TMEM254: variants seen among roughly 807,000 people sequenced by gnomAD.
TMEM254 encodes transmembrane protein C10orf57.
A neutral mutation model predicts 13.9 loss-of-function variants in TMEM254; 16 were observed. That is an observed-to-expected ratio of 1.15 (90% CI 0.78 to 1.75). The LOEUF is 1.75. TMEM254 is among the 40% of genes most tolerant of loss of function. The pLI is 0.00. For synonymous variants in TMEM254, 61 were observed against 56.4 expected (o/e 1.08, Z -0.36); for missense variants, 155 against 149.0 (o/e 1.04, Z -0.21).
At chr10:80,081,697 A>G in intron 1 of TMEM254, 144 bp from the exon 2 acceptor site, 1 of 1,600,886 alleles carries the variant, frequency 6.2e-7, no homozygotes, top group Non-Finnish European at 8.5e-7. Context: ...AATAGAAGCC[A>G]AGAATGGAGA....
Position 80,090,979 on chromosome 10 carries a change from G to A in TMEM254, c.*62G>A. On this transcript the variant is annotated 3_prime_UTR_variant, in exon 4 of 4. Transcript: ENST00000372281. ...TCCTCACCCTTTTTTTTGTGGGGTA[G>A]AGGAGGTGCAGTAATTTACTCAGTG... 6.3e-7 allele frequency: 1 copy of A among 1,583,740 alleles called. No homozygotes were observed. Among genetic ancestry groups the A allele is most frequent in the South Asian group, 1.2e-5 (1 of 85,786 alleles).
At chr10:80,078,923 G>T in intron 1 of TMEM254, 137 bp downstream of exon 1, 1 of 1,522,388 alleles carries the variant, frequency 6.6e-7, no homozygotes, top group Non-Finnish European at 8.9e-7. Context: ...AGGAGCGGAG[G>T]GGAGGGGACC....
intron 3 of TMEM254, among the ~76,000 whole-genome samples, chr10:80,083,570 T>C (rs1844160965): frequency 6.6e-6 from 1 of 152,226 alleles, no homozygotes; most frequent in African/African-American, 2.4e-5. Flanking sequence ...TGATATTATC[T>C]ATTCTAGCCC....
At position 80,092,469 on chromosome 10, in the gene TMEM254, CAG is replaced by C. The variant is rs1844606626; in HGVS notation, c.*1553_*1554del. 1 of 152,160 alleles carries C rather than the reference CAG, an allele frequency of 6.6e-6. No individual in the cohort carries two copies. The highest frequency in any genetic ancestry group is 2.1e-4 in the South Asian group (1 of 4,834). The allele number at this position is 152,160 out of a possible 1,614,324, so 9.4% of individuals were successfully genotyped here. On this transcript the variant is annotated 3_prime_UTR_variant, in exon 4 of 4. Coordinates refer to ENST00000372281, the MANE Select transcript of TMEM254 (RefSeq NM_025125.4). ...GGTCTTCCTCAAAGAGAAATAATAACAGTAATAGTGGTGCTGGGAACAATATG... is the reference window on the plus strand; with the variant it reads ...GGTCTTCCTCAAAGAGAAATAATAACTAATAGTGGTGCTGGGAACAATATG...
intron 1 of TMEM254, chr10:80,079,590 A>G: frequency 4.0e-6 from 4 of 989,576 alleles, no homozygotes; most frequent in Non-Finnish European, 4.8e-6. Flanking sequence ...CTGTTCTGAC[A>G]TAGGTGTGGA....
At chr10:80,082,279 A>G in intron 3 of TMEM254, 75 bp downstream of exon 3, 2 of 1,510,480 alleles carry the variant, frequency 1.3e-6, no homozygotes, top group Non-Finnish European at 1.8e-6. Context: ...ACATTTAAAT[A>G]GTTCACACAC....
intron 1 of TMEM254, chr10:80,079,328 C>T (rs1167434710): frequency 3.3e-6 from 4 of 1,194,532 alleles, no homozygotes; most frequent in East Asian, 6.0e-5. Flanking sequence ...ATTCGGTGGG[C>T]TCTTAGGATA....
intron 3 of TMEM254, among the ~76,000 whole-genome samples, chr10:80,088,442 C>CT (rs892551683): frequency 2.1e-4 from 29 of 134,986 alleles, no homozygotes; most frequent in African/African-American, 4.7e-4. Context: ...TGTTTTTTTT[C>CT]TTTTTTTTTT....
intron 3 of TMEM254, among the ~76,000 whole-genome samples, chr10:80,087,274 T>G (rs1479191486): frequency 6.6e-6 from 1 of 152,174 alleles, no homozygotes; most frequent in Non-Finnish European, 1.5e-5. Context: ...GAACATTAAT[T>G]TCTTGCATTT....
chr10:80,091,043 T>G lies in TMEM254; in HGVS notation c.*126T>G. The G allele has an allele frequency of 7.9e-7, 1 of 1,264,988 alleles. No individual in the cohort carries two copies. Among genetic ancestry groups the G allele is most frequent in the Non-Finnish European group, 1.1e-6 (1 of 923,132 alleles). The allele number at this position is 1,264,988 out of a possible 1,614,324, so 78.4% of individuals were successfully genotyped here. ...CTAGAAACTGTCCTTCAAAGCTCTTTAAGACCCCCTCGTTAGTCAGTTTTT... is the reference window on the plus strand; with the variant it reads ...CTAGAAACTGTCCTTCAAAGCTCTTGAAGACCCCCTCGTTAGTCAGTTTTT... On this transcript the variant is annotated 3_prime_UTR_variant, in exon 4 of 4. Coordinates refer to ENST00000372281, the MANE Select transcript of TMEM254 (RefSeq NM_025125.4).
intron 3 of TMEM254, among the ~76,000 whole-genome samples, chr10:80,083,070 C>A (rs1414006292): frequency 1.4e-5 from 2 of 147,686 alleles, no homozygotes; most frequent in Admixed American, 1.4e-4. Flanking sequence ...AATGATCTTA[C>A]TCTGTTTTCT....
chr10:80,089,546 G>A (rs1204957850), intron 3 of TMEM254, among the ~76,000 whole-genome samples: 4 of 152,052 alleles, frequency 2.6e-5, no homozygotes, highest in Non-Finnish European at 4.4e-5. Flanking sequence ...ATGGTGGTGC[G>A]TGCCTGTGAT....
chr10:80,090,317 T>C, intron 3 of TMEM254: 1 of 716,148 alleles, frequency 1.4e-6, no homozygotes, highest in Non-Finnish European at 2.6e-6. Flanking sequence ...ATGTTGTGTG[T>C]ATTATCCCAT....
chr10:80,085,566 C>CA (rs1026540064), intron 3 of TMEM254, among the ~76,000 whole-genome samples: 2,086 of 125,312 alleles, frequency 0.017, 45 homozygotes, highest in African/African-American at 0.056. Flanking sequence ...GACTCTGTCT[C>CA]AAAAAAAAAA....
Position 80,078,765 on chromosome 10 carries a change from C to T in TMEM254, c.66C>T (p.Thr22=), listed in dbSNP as rs1331759153. ...RGSLFWFTVI[T]LSFGYYTWVV... ...GTCTGTTCTGGTTCACAGTCATCAC[C>T]CTCAGCTTTGGCTACTACACAGTAA... The change falls in exon 1 of 4, where the codon ACC becomes ACT. Residue 22 remains threonine, a synonymous_variant. Transcript: ENST00000372281. 1.2e-6 allele frequency: 2 copies of T among 1,607,732 alleles called. No individual in the cohort carries two copies. The highest frequency in any genetic ancestry group is 1.7e-6 in the Non-Finnish European group (2 of 1,177,404).
Position 80,091,423 on chromosome 10 carries a change from C to T in TMEM254, c.*506C>T, listed in dbSNP as rs1191276563. 2 of 152,524 alleles carry T rather than the reference C, an allele frequency of 1.3e-5. No homozygotes were observed. The highest frequency in any genetic ancestry group is 3.8e-4 in the East Asian group (2 of 5,198). The allele number at this position is 152,524 out of a possible 1,614,324, so 9.4% of individuals were successfully genotyped here. Reference sequence around the variant, plus strand: ...TACCTGTGAGGTAGGATCCTATCCTCTCAAACTTCCATTTCTCATGCTACA... The same window carrying T: ...TACCTGTGAGGTAGGATCCTATCCTTTCAAACTTCCATTTCTCATGCTACA... On this transcript the variant is annotated 3_prime_UTR_variant, in exon 4 of 4. Transcript: ENST00000372281.
At chr10:80,084,264 T>C (rs57257258) in intron 3 of TMEM254, among the ~76,000 whole-genome samples, 15,627 of 152,100 alleles carry the variant, frequency 0.1, 973 homozygotes, top group South Asian at 0.21. Context: ...GATGGTTCAT[T>C]CAGACACCCC....
chr10:80,082,191 A>G lies in TMEM254; in HGVS notation c.238A>G (p.Ile80Val). 1.2e-6 allele frequency: 2 copies of G among 1,614,130 alleles called. No homozygotes were observed. The highest frequency in any genetic ancestry group is 1.7e-6 in the Non-Finnish European group (2 of 1,180,026). Residue 80 changes from isoleucine to valine, a missense_variant, in exon 3 of 4, where the codon ATA becomes GTA. Coordinates refer to ENST00000372281, the MANE Select transcript of TMEM254 (RefSeq NM_025125.4). ...TCATGTGGGAGAGTCCTTGTATGCC[A>G]TAGTATTGTGCAAGTAAGTCTTTGA... ...LIHVGESLYA[I>V]VLCKHKGITS...
At chr10:80,081,625 G>T in intron 1 of TMEM254, 1 of 1,458,768 alleles carries the variant, frequency 6.9e-7, no homozygotes, top group South Asian at 1.3e-5. Flanking sequence ...TCATGATCAT[G>T]CCACTGCACT....
Sources: gnomAD v4.1 joint callset for allele counts (sites outside exome capture counted in the v4.1 genomes callset) on GRCh38, gnomAD v4.1.1 for gene constraint, MANE v1.5 for transcripts, NCBI Gene and HGNC (gene_info 2026-07-23, HGNC 2026-07-21) for gene names.